Variants in ST6GAL1 observed in about 807,000 individuals in gnomAD.
ST6GAL1 encodes the protein ST6 beta-galactoside alpha-2,6-sialyltransferase 1, also known as beta-galactoside alpha-2,6-sialyltransferase 1.
ST6GAL1 carries 20 observed loss-of-function variants against 38.0 expected under a neutral mutation model. The ratio of observed to expected loss-of-function variants is 0.53; its 90% CI spans 0.37 to 0.77. The LOEUF is 0.77. Among genes scored for constraint, ST6GAL1 ranks in the 30% least tolerant of loss-of-function variants. The pLI, the probability that ST6GAL1 is intolerant of heterozygous loss-of-function variation, is 0.00. For missense variants in ST6GAL1, 432 were observed against 496.4 expected (o/e 0.87, Z 1.23); for synonymous variants, 196 against 188.2 (o/e 1.04, Z -0.34).
At chr3:187,018,209 A>G (rs1180040881) in intron 2 of ST6GAL1, among the ~76,000 whole-genome samples, 5 of 152,088 alleles carry the variant, frequency 3.3e-5, no homozygotes, top group African/African-American at 1.2e-4. Context: ...ATTTCTAAAC[A>G]CATGAAACCA....
In ST6GAL1 at chr3:187,076,988, T is replaced by TTTA. The variant is rs35363166; in HGVS notation, c.*1185_*1186insTTA. On this transcript the variant is annotated 3_prime_UTR_variant, in exon 8 of 8. Transcript: ENST00000169298. ...CTAACCACCATCTGTTTTTTTTTTT[T>TTTA]AAAGCATTTTTTGCTTTAAAAGCAT... 2.5e-5 allele frequency: 10 copies of TTTA among 398,368 alleles called. No homozygotes were observed. The highest frequency in any genetic ancestry group is 2.1e-4 in the East Asian group (6 of 28,068). The allele number at this position is 398,368 out of a possible 1,614,324, so 24.7% of individuals were successfully genotyped here.
At chr3:186,936,339 C>A (rs1713951472) in intron 1 of ST6GAL1, among the ~76,000 whole-genome samples, 1 of 152,136 alleles carries the variant, frequency 6.6e-6, no homozygotes, top group Non-Finnish European at 1.5e-5. Flanking sequence ...TTGTTCTGGA[C>A]CATTAGATTC....
intron 2 of ST6GAL1, among the ~76,000 whole-genome samples, chr3:186,971,499 C>T (rs971134046): frequency 1.3e-5 from 2 of 152,216 alleles, no homozygotes; most frequent in African/African-American, 4.8e-5. Flanking sequence ...CTCCCCCAGT[C>T]TGGCTGTCTG....
intron 1 of ST6GAL1, among the ~76,000 whole-genome samples, chr3:186,936,677 A>G (rs139923882): frequency 1.2e-3 from 180 of 152,310 alleles, no homozygotes; most frequent in African/African-American, 3.9e-3. Flanking sequence ...ACAGCGGCTC[A>G]TGCCTGTAAT....
chr3:187,012,827 C>A (rs1343377468), intron 2 of ST6GAL1, among the ~76,000 whole-genome samples: 5 of 152,180 alleles, frequency 3.3e-5, no homozygotes, highest in Non-Finnish European at 7.3e-5. Flanking sequence ...GTGGGAGGTG[C>A]GGTGAGTTTG....
intron 1 of ST6GAL1, among the ~76,000 whole-genome samples, chr3:186,958,456 A>G (rs1361776637): frequency 2.6e-5 from 4 of 152,036 alleles, no homozygotes; most frequent in African/African-American, 9.7e-5. Flanking sequence ...AAGTTAGTGA[A>G]TAATATCTAA....
intron 2 of ST6GAL1, among the ~76,000 whole-genome samples, chr3:187,002,951 G>A (rs896663239): frequency 2.0e-5 from 3 of 152,176 alleles, no homozygotes; most frequent in African/African-American, 7.2e-5. Context: ...TAAAACATTA[G>A]TAAGAGAAAT....
intron 2 of ST6GAL1, among the ~76,000 whole-genome samples, chr3:187,005,508 C>T (rs943285756): frequency 6.6e-6 from 1 of 151,976 alleles, no homozygotes; most frequent in African/African-American, 2.4e-5. Flanking sequence ...ATCTCCTGAC[C>T]TCGTGATCTG....
intron 2 of ST6GAL1, among the ~76,000 whole-genome samples, chr3:186,995,846 GA>G (rs947007212): frequency 3.0e-4 from 44 of 148,484 alleles, no homozygotes; most frequent in Admixed American, 8.7e-4. Context: ...TCTGTCTTGA[GA>G]AAAAAAAAAG....
intron 5 of ST6GAL1, among the ~76,000 whole-genome samples, chr3:187,069,972 A>G (rs1368858194): frequency 6.6e-6 from 1 of 152,202 alleles, no homozygotes; most frequent in Non-Finnish European, 1.5e-5. Flanking sequence ...AGTTCTTTCT[A>G]CTTTGTGGGT....
In ST6GAL1 at chr3:187,071,297, T is replaced by G. The variant is rs1379938820; in HGVS notation, c.706-1552T>G. ...GTGAATGTTGACAGCTGATTTCATATATTAATTCTGGCTTTCTTAAGAGGG... is the reference window on the plus strand; with the variant it reads ...GTGAATGTTGACAGCTGATTTCATAGATTAATTCTGGCTTTCTTAAGAGGG... On this transcript the variant is annotated intron_variant, in intron 5 of 7. Transcript: ENST00000169298. Among the ~76,000 whole-genome samples, 4 of 152,224 alleles carry G rather than the reference T, an allele frequency of 2.6e-5. No homozygotes were observed. The East Asian group carries it at 7.7e-4, about 29-fold the overall frequency.
At chr3:186,941,721 G>T (rs140756823) in intron 1 of ST6GAL1, among the ~76,000 whole-genome samples, 46 of 152,174 alleles carry the variant, frequency 3.0e-4, no homozygotes, top group African/African-American at 1.0e-3. Flanking sequence ...CCAAGCAAAA[G>T]TTGCAAGTAG....
At chr3:186,966,443 A>G (rs1715119453) in intron 2 of ST6GAL1, among the ~76,000 whole-genome samples, 1 of 152,240 alleles carries the variant, frequency 6.6e-6, no homozygotes, top group Non-Finnish European at 1.5e-5. Context: ...AAAGAGATAC[A>G]CTAAGGCTGT....
At chr3:186,953,520 C>T (rs1299023658) in intron 1 of ST6GAL1, among the ~76,000 whole-genome samples, 1 of 152,164 alleles carries the variant, frequency 6.6e-6, no homozygotes, top group African/African-American at 2.4e-5. Context: ...CTGTCTCCTC[C>T]CACCGACTTG....
At chr3:186,940,791 T>G (rs956853264) in intron 1 of ST6GAL1, among the ~76,000 whole-genome samples, 5 of 151,944 alleles carry the variant, frequency 3.3e-5, no homozygotes, top group African/African-American at 1.2e-4. Flanking sequence ...GTGTTTTTTT[T>G]TTTTTTTTTC....
intron 2 of ST6GAL1, chr3:187,024,820 C>T (rs1004181894): frequency 6.6e-6 from 1 of 152,148 alleles, no homozygotes; most frequent in Non-Finnish European, 1.5e-5. Context: ...GTCATCCAAA[C>T]AAAATGTCCT....
intron 2 of ST6GAL1, among the ~76,000 whole-genome samples, chr3:186,970,788 G>GT (rs1419222897): frequency 3.3e-5 from 5 of 152,120 alleles, no homozygotes; most frequent in Admixed American, 2.0e-4. Context: ...ATGTATCACA[G>GT]TTTAATTGTT....
Position 187,010,339 on chromosome 3 carries a change from G to A in ST6GAL1, c.-182-28403G>A, listed in dbSNP as rs185373690. On this transcript the variant is annotated intron_variant, in intron 2 of 7. Coordinates refer to ENST00000169298, the MANE Select transcript of ST6GAL1 (RefSeq NM_173216.2). ...ATTTTTTAGTCTATTAATTTGGTGG[G>A]GGAAAGTGTATGTTATTATTTTAAT... 2.5e-3 allele frequency among the ~76,000 whole-genome samples: 384 copies of A among 152,218 alleles called. 6 individuals carry two copies. Among genetic ancestry groups the A allele is most frequent in the Admixed American group, 0.023 (348 of 15,296 alleles).
intron 1 of ST6GAL1, among the ~76,000 whole-genome samples, chr3:186,956,969 C>G (rs1714768154): frequency 6.6e-6 from 1 of 152,060 alleles, no homozygotes; most frequent in South Asian, 2.1e-4. Context: ...AATTACTAGT[C>G]TAAGAGAGAT....
Sources: allele counts gnomAD v4.1 joint callset (sites outside exome capture counted in the v4.1 genomes callset), GRCh38; gene constraint gnomAD v4.1.1; transcripts MANE v1.5; gene names NCBI Gene and HGNC (gene_info 2026-07-23, HGNC 2026-07-21).